Variants in SNX29 observed in about 807,000 individuals in gnomAD.
SNX29 encodes sorting nexin-29.
Under a neutral mutation model 102.1 loss-of-function variants are expected in SNX29, and 78 were observed. The ratio of observed to expected loss-of-function variants is 0.76; its 90% CI spans 0.64 to 0.92. SNX29 has a LOEUF of 0.92. Ranked by LOEUF, SNX29 falls within the 40% of genes least tolerant of loss-of-function variation. The pLI is 0.00. For missense variants in SNX29, 1,280 were observed against 1,061.7 expected (o/e 1.21, Z -2.86); for synonymous variants, 580 against 414.5 (o/e 1.40, Z -4.85).
chr16:12,148,133 A>G (rs1220337909), intron 13 of SNX29, among the ~76,000 whole-genome samples: 2 of 152,220 alleles, frequency 1.3e-5, no homozygotes, highest in African/African-American at 2.4e-5. Flanking sequence ...TTTAAGCAGA[A>G]GAACTTTCCT....
At chr16:12,362,088 G>T (rs1364533989) in intron 16 of SNX29, among the ~76,000 whole-genome samples, 2 of 152,216 alleles carry the variant, frequency 1.3e-5, no homozygotes, top group Non-Finnish European at 2.9e-5. Context: ...GTGCTTTAGA[G>T]ATCTTCTAAT....
At chr16:12,334,922 A>T (rs1196431697) in intron 15 of SNX29, among the ~76,000 whole-genome samples, 340 of 6,922 alleles carry the variant, frequency 0.049, 3 homozygotes, top group African/African-American at 0.079. Context: ...TTTTTTTTTT[A>T]AAAAGCAACA....
chr16:12,020,022 T>G (rs2056972421), intron 3 of SNX29, among the ~76,000 whole-genome samples: 1 of 152,210 alleles, frequency 6.6e-6, no homozygotes, highest in South Asian at 2.1e-4. Flanking sequence ...GTTATAAAGA[T>G]ATTGACTTAT....
At position 12,516,909 on chromosome 16, in the gene SNX29, C is replaced by G. The variant is rs548717523; in HGVS notation, c.2179-7793C>G. Among the ~76,000 whole-genome samples the G allele has an allele frequency of 2.0e-5, 3 of 152,294 alleles. No homozygotes were observed. The South Asian group carries it at 6.2e-4, about 32-fold the overall frequency. On this transcript the variant is annotated intron_variant, in intron 19 of 20. Transcript: ENST00000566228. ...CTTCCAGGAGCCTCGTTGTCTTGTT[C>G]ACAGCATTCCATCGTTTTAAAAATA... is the stretch of plus-strand genomic sequence containing the variant.
At chr16:12,170,940 G>A (rs1245610957) in intron 13 of SNX29, among the ~76,000 whole-genome samples, 2 of 152,038 alleles carry the variant, frequency 1.3e-5, no homozygotes, top group Non-Finnish European at 2.9e-5. Context: ...AGGATTTACT[G>A]ACGACCTGGA....
chr16:12,437,843 T>TG (rs1229282839), intron 18 of SNX29, among the ~76,000 whole-genome samples: 1 of 152,164 alleles, frequency 6.6e-6, no homozygotes, highest in Non-Finnish European at 1.5e-5. Flanking sequence ...CAAACCACTC[T>TG]GGGGGGTGCC....
At chr16:12,556,372 G>C (rs187838225) in intron 20 of SNX29, 8 of 152,214 alleles carry the variant, frequency 5.3e-5, no homozygotes, top group African/African-American at 1.4e-4. Flanking sequence ...TATACCAGTC[G>C]TAATTGTAGG....
intron 14 of SNX29, among the ~76,000 whole-genome samples, chr16:12,218,609 G>T (rs1169846513): frequency 6.6e-6 from 1 of 152,108 alleles, no homozygotes; most frequent in Non-Finnish European, 1.5e-5. Flanking sequence ...GCTTTTTTCA[G>T]GTAAGAGTGT....
At chr16:12,558,688 G>C (rs528772376) in intron 20 of SNX29, among the ~76,000 whole-genome samples, 2 of 152,292 alleles carry the variant, frequency 1.3e-5, no homozygotes, top group African/African-American at 2.4e-5. Context: ...GCTGGGATTT[G>C]AATCCACCCC....
chr16:12,199,590 T>C lies in SNX29; in HGVS notation c.1596-11T>C. On this transcript the variant is annotated splice_polypyrimidine_tract_variant and intron_variant, in intron 13 of 20. Coordinates refer to ENST00000566228, the MANE Select transcript of SNX29 (RefSeq NM_032167.5). ...TAAATATATATTTTTTTAACATTCT[T>C]GTACCTGCAGAGAGAACGAGGTGCT... 1 of 1,608,220 alleles carries C rather than the reference T, an allele frequency of 6.2e-7. No individual in the cohort carries two copies. Among genetic ancestry groups the C allele is most frequent in the Non-Finnish European group, 8.5e-7 (1 of 1,176,846 alleles).
rs116988227 is a variant in SNX29 at position 12,182,576 on chromosome 16, G to A, written c.1596-17025G>A. On this transcript the variant is annotated intron_variant, in intron 13 of 20. Coordinates refer to ENST00000566228, the MANE Select transcript of SNX29 (RefSeq NM_032167.5). ...GTAGTACTGAGGTGGCAGGAGCTCC[G>A]CACCCCTGCCAACCAGTTACCTCTA... Among the ~76,000 whole-genome samples the A allele has an allele frequency of 7.7e-4, 117 of 152,190 alleles. 1 individual carries two copies. The East Asian group carries it at 0.021, about 27-fold the overall frequency.
At chr16:12,445,495 C>T (rs973722923) in intron 18 of SNX29, among the ~76,000 whole-genome samples, 2 of 152,192 alleles carry the variant, frequency 1.3e-5, no homozygotes, top group East Asian at 1.9e-4. Flanking sequence ...CCACCTTGCT[C>T]ACAACACAGG....
chr16:12,252,221 A>C (rs928135142), intron 14 of SNX29, among the ~76,000 whole-genome samples: 2 of 151,940 alleles, frequency 1.3e-5, no homozygotes, highest in Non-Finnish European at 2.9e-5. Flanking sequence ...TACATCCACA[A>C]ACTTCAAAGT....
chr16:12,233,808 T>C (rs1264692150), intron 14 of SNX29, among the ~76,000 whole-genome samples: 1 of 152,186 alleles, frequency 6.6e-6, no homozygotes, highest in Non-Finnish European at 1.5e-5. Context: ...TTCCTGTCTC[T>C]GTGGATGTGC....
chr16:12,374,747 C>G (rs2082811900), intron 16 of SNX29: 1 of 152,170 alleles, frequency 6.6e-6, no homozygotes, highest in Admixed American at 6.6e-5. Flanking sequence ...GAGGCCAAGG[C>G]TCACCCCCAG....
intron 13 of SNX29, among the ~76,000 whole-genome samples, chr16:12,185,166 A>C (rs1223004960): frequency 6.6e-6 from 1 of 152,178 alleles, no homozygotes; most frequent in East Asian, 1.9e-4. Context: ...CGTATGCAGT[A>C]GGGGGTCTCA....
intron 10 of SNX29, 99 bp from the exon 11 acceptor site, chr16:12,078,732 TAG>T: frequency 2.2e-6 from 2 of 926,858 alleles, no homozygotes; most frequent in Admixed American, 2.0e-5. Flanking sequence ...TCCCTTCTAG[TAG>T]AGGTACCGGA....
intron 15 of SNX29, among the ~76,000 whole-genome samples, chr16:12,349,022 G>T (rs1384804127): frequency 6.6e-6 from 1 of 152,192 alleles, no homozygotes; most frequent in African/African-American, 2.4e-5. Context: ...TTGTTTAAAA[G>T]TCTTGTGGCC....
At chr16:12,251,884 C>G (rs1364147836) in intron 14 of SNX29, among the ~76,000 whole-genome samples, 2 of 151,988 alleles carry the variant, frequency 1.3e-5, no homozygotes, top group African/African-American at 4.8e-5. Context: ...CTCAGCCTCC[C>G]CAGTAGCTAG....
Sources: gnomAD v4.1 joint callset for allele counts (sites outside exome capture counted in the v4.1 genomes callset) on GRCh38, gnomAD v4.1.1 for gene constraint, MANE v1.5 for transcripts, NCBI Gene and HGNC (gene_info 2026-07-23, HGNC 2026-07-21) for gene names.